The following SGCD variants were observed in gnomAD, a reference collection of about 807,000 sequenced individuals.
The protein encoded by SGCD is sarcoglycan delta.
Under a neutral mutation model 36.6 loss-of-function variants are expected in SGCD, and 18 were observed. The observed-to-expected ratio is 0.49, with a 90% CI of 0.34 to 0.73. The LOEUF is 0.73. Among genes scored for constraint, SGCD ranks in the 30% least tolerant of loss-of-function variants. The pLI is 0.01. For synonymous variants in SGCD, 133 were observed against 130.6 expected (o/e 1.02, Z -0.12); for missense variants, 387 against 346.7 (o/e 1.12, Z -0.92).
intron 1 of SGCD, among the ~76,000 whole-genome samples, chr5:155,939,514 T>C (rs1226233728): frequency 6.6e-6 from 1 of 151,416 alleles, no homozygotes; most frequent in Non-Finnish European, 1.5e-5. Context: ...TGTGGTGACA[T>C]GTGCCTGTAG....
intron 7 of SGCD, among the ~76,000 whole-genome samples, chr5:156,707,180 T>C (rs1361251380): frequency 1.3e-5 from 2 of 152,210 alleles, no homozygotes; most frequent in Non-Finnish European, 2.9e-5. Flanking sequence ...CAGACATTTT[T>C]ATATATAAAT....
Position 156,487,809 on chromosome 5 carries a change from A to AG in SGCD, c.193-20792_193-20791insG, listed in dbSNP as rs1219754194. On this transcript the variant is annotated intron_variant, in intron 3 of 8. Transcript: ENST00000337851. ...TCACCAAAAAAAAAAAAAAAAAAAA[A>AG]AAAAAAAGAAAGAAAGAAAAAGCTT... Among the ~76,000 whole-genome samples, 537 of 123,200 alleles carry AG rather than the reference A, an allele frequency of 4.4e-3. 18 individuals are homozygous for AG. Among genetic ancestry groups the AG allele is most frequent in the African/African-American group, 0.015 (515 of 34,200 alleles). 80.8% of individuals were successfully genotyped at this position (123,200 alleles called of 152,430 possible).
the SGCD span, among the ~76,000 whole-genome samples, chr5:155,752,358 T>C: frequency 5.9e-5 from 9 of 152,200 alleles, no homozygotes; most frequent in African/African-American, 2.2e-4. Flanking sequence ...CTCAGAGTCA[T>C]GTTCCCCTAA....
At chr5:156,141,035 C>T (rs2127610301) in intron 3 of SGCD, among the ~76,000 whole-genome samples, 1 of 152,292 alleles carries the variant, frequency 6.6e-6, no homozygotes, top group South Asian at 2.1e-4. Flanking sequence ...TGAATTCCAG[C>T]ACACTGCTAC....
chr5:155,740,914 G>A, the SGCD span, among the ~76,000 whole-genome samples: 5 of 152,172 alleles, frequency 3.3e-5, no homozygotes, highest in Admixed American at 2.6e-4. Context: ...TGAGGACCAC[G>A]ACTCATGACA....
At chr5:156,480,390 A>G (rs973901572) in intron 3 of SGCD, among the ~76,000 whole-genome samples, 3 of 152,208 alleles carry the variant, frequency 2.0e-5, no homozygotes, top group African/African-American at 7.2e-5. Context: ...CAGGCATTAC[A>G]TTGGCATACC....
intron 3 of SGCD, among the ~76,000 whole-genome samples, chr5:156,463,820 C>T (rs1754603167): frequency 6.6e-6 from 1 of 151,950 alleles, no homozygotes; most frequent in Admixed American, 6.6e-5. Flanking sequence ...CATGGCAAGA[C>T]CTCATATCTC....
chr5:156,570,218 CTGT>C (rs747207014), intron 4 of SGCD, among the ~76,000 whole-genome samples: 108 of 152,174 alleles, frequency 7.1e-4, no homozygotes, highest in Non-Finnish European at 1.2e-3. Flanking sequence ...CTGTGTGGCA[CTGT>C]TGTTTGGCAT....
chr5:156,266,778 T>C (rs1766008805), intron 3 of SGCD, among the ~76,000 whole-genome samples: 1 of 53,094 alleles, frequency 1.9e-5, no homozygotes, highest in Non-Finnish European at 3.9e-5. Flanking sequence ...GGCCCCACTG[T>C]TTTTTTTTTT....
intron 1 of SGCD, among the ~76,000 whole-genome samples, chr5:156,020,841 T>A (rs927988781): frequency 2.0e-5 from 3 of 152,224 alleles, no homozygotes; most frequent in African/African-American, 7.2e-5. Context: ...TCACAGTTGA[T>A]GTGCAGTTTA....
intron 1 of SGCD, among the ~76,000 whole-genome samples, chr5:156,047,235 G>C (rs998250852): frequency 2.0e-5 from 3 of 152,158 alleles, no homozygotes; most frequent in Non-Finnish European, 4.4e-5. Flanking sequence ...AGAGTGCAGA[G>C]TGAAGCAGCA....
At chr5:155,974,940 T>C (rs1181323062) in intron 1 of SGCD, among the ~76,000 whole-genome samples, 1 of 152,012 alleles carries the variant, frequency 6.6e-6, no homozygotes, top group Non-Finnish European at 1.5e-5. Context: ...GCCTACCCTC[T>C]CCCAAGTCTA....
At chr5:155,927,886 T>C (rs1580995115) in intron 1 of SGCD, among the ~76,000 whole-genome samples, 2 of 152,210 alleles carry the variant, frequency 1.3e-5, no homozygotes, top group East Asian at 3.9e-4. Context: ...TCTTTCTCAG[T>C]ACTTTTAGTT....
Position 156,546,113 on chromosome 5 carries a change from A to G in SGCD, c.294+37411A>G, listed in dbSNP as rs187733155. Among the ~76,000 whole-genome samples the G allele has an allele frequency of 2.0e-5, 3 of 152,282 alleles. No homozygotes were observed. In the East Asian group the frequency reaches 5.8e-4, roughly 29 times the overall value. On this transcript the variant is annotated intron_variant, in intron 4 of 8. Transcript: ENST00000337851. The stretch of plus-strand genomic sequence containing the variant: ...GATGTTAATATGACTGTATTCTGAG[A>G]TGCTCTGCAATAAAAAACACACCTA...
intron 2 of SGCD, among the ~76,000 whole-genome samples, chr5:156,122,119 G>T (rs1762056980): frequency 6.6e-6 from 1 of 152,156 alleles, no homozygotes; most frequent in Non-Finnish European, 1.5e-5. Flanking sequence ...AAATACTGGA[G>T]ATGGAATGCT....
chr5:155,782,288 G>C, the SGCD span, among the ~76,000 whole-genome samples: 1 of 151,986 alleles, frequency 6.6e-6, no homozygotes, highest in East Asian at 1.9e-4. Flanking sequence ...ACTTCTCAAA[G>C]TGCTGGGATT....
chr5:156,567,543 TG>T (rs1759546350), intron 4 of SGCD, among the ~76,000 whole-genome samples: 1 of 152,172 alleles, frequency 6.6e-6, no homozygotes, highest in South Asian at 2.1e-4. Flanking sequence ...GGCCATCTGC[TG>T]AGGAGTTTCC....
chr5:156,560,777 C>T (rs1340848443), intron 4 of SGCD, among the ~76,000 whole-genome samples: 2 of 152,118 alleles, frequency 1.3e-5, no homozygotes, highest in African/African-American at 4.8e-5. Context: ...GTTAGACAAA[C>T]TTCTGTCCAT....
chr5:156,602,488 A>T (rs768168166), intron 6 of SGCD, among the ~76,000 whole-genome samples: 3 of 152,158 alleles, frequency 2.0e-5, no homozygotes, highest in Non-Finnish European at 4.4e-5. Context: ...AACTTCCTGT[A>T]CTTCGTTGAA....
Sources: allele counts gnomAD v4.1 joint callset (sites outside exome capture counted in the v4.1 genomes callset), GRCh38; gene constraint gnomAD v4.1.1; transcripts MANE v1.5; gene names NCBI Gene and HGNC (gene_info 2026-07-23, HGNC 2026-07-21).